Variants in SOS2 observed in about 807,000 individuals in gnomAD.
SOS2 encodes the protein son of sevenless homolog 2.
In SOS2, 65 loss-of-function variants were observed where a neutral mutation model predicts 148.2. The observed-to-expected ratio is 0.44, with a 90% CI of 0.36 to 0.54. The LOEUF (loss-of-function observed/expected upper bound fraction) is 0.54, where lower values mean the gene tolerates loss of function less well. SOS2 is among the 20% of genes least tolerant of loss of function. SOS2 has a pLI of 0.00. For synonymous variants in SOS2, 539 were observed against 537.1 expected, an observed-to-expected ratio of 1.00 and a Z score of -0.05; for missense variants, 1,341 against 1,590.2, an observed-to-expected ratio of 0.84 and a Z score of 2.67.
At chr14:50,142,543 G>A (rs1174524047) in intron 16 of SOS2, among the ~76,000 whole-genome samples, 1 of 152,082 alleles carries the variant, frequency 6.6e-6, no homozygotes, top group African/African-American at 2.4e-5. Flanking sequence ...GGTTTGCTCT[G>A]CTTTGTGATA....
chr14:50,118,760 C>T lies in SOS2; in HGVS notation c.3583G>A (p.Ala1195Thr). Residue 1195 changes from alanine to threonine, a missense_variant, in exon 23 of 23, where the codon GCA becomes ACA. Ala to Thr is a moderately conservative substitution (Grantham distance 58). Coordinates refer to ENST00000216373, the MANE Select transcript of SOS2 (RefSeq NM_006939.4). ...VKPRVPVPTGAFDGPLHSPPP... is the reference protein window; with the variant it reads ...VKPRVPVPTGTFDGPLHSPPP... Reference sequence around the variant, plus strand: ...GGACTATGCAGAGGCCCATCAAATGCACCAGTAGGAACAGGAACTCTGGGT... The same window carrying T: ...GGACTATGCAGAGGCCCATCAAATGTACCAGTAGGAACAGGAACTCTGGGT... 1 of 1,607,218 alleles carries T rather than the reference C, an allele frequency of 6.2e-7. No homozygotes were observed. The highest frequency in any genetic ancestry group is 1.4e-5 in the African/African-American group (1 of 73,740).
In SOS2 at chr14:50,185,848, G is replaced by A. The variant is rs1043299583; in HGVS notation, c.714+2649C>T. Among the ~76,000 whole-genome samples, 2 of 152,264 alleles carry A rather than the reference G, an allele frequency of 1.3e-5. 1 individual carries two copies. The highest frequency in any genetic ancestry group is 4.1e-4 in the South Asian group (2 of 4,824). The stretch of plus-strand genomic sequence containing the variant: ...AGGCACTCTTCTAAGCACTTGAAAT[G>A]TAATAACCTAATATCCTTATTAGAT... On this transcript the variant is annotated intron_variant, in intron 5 of 22. Coordinates refer to ENST00000216373, the MANE Select transcript of SOS2 (RefSeq NM_006939.4).
intron 4 of SOS2, among the ~76,000 whole-genome samples, chr14:50,196,607 CTAAGAG>C (rs1249349021): frequency 2.0e-5 from 3 of 151,954 alleles, no homozygotes; most frequent in Non-Finnish European, 2.9e-5. Flanking sequence ...ATTCTACTAG[CTAAGAG>C]TAAATTTCAA....
At chr14:50,211,332 T>C (rs1300302257) in intron 1 of SOS2, among the ~76,000 whole-genome samples, 1 of 152,170 alleles carries the variant, frequency 6.6e-6, no homozygotes, top group Non-Finnish European at 1.5e-5. Context: ...TAATTTTCGT[T>C]TTTAACTTTT....
At chr14:50,131,476 T>C (rs191635040) in intron 19 of SOS2, among the ~76,000 whole-genome samples, 38 of 152,226 alleles carry the variant, frequency 2.5e-4, no homozygotes, top group African/African-American at 8.9e-4. Flanking sequence ...TAACTATGCA[T>C]GACTTTCATT....
Position 50,118,696 on chromosome 14 carries a change from G to A in SOS2, c.3647C>T (p.Pro1216Leu), listed in dbSNP as rs770375789. 2 of 1,613,824 alleles carry A rather than the reference G, an allele frequency of 1.2e-6. No homozygotes were observed. ...PPPRDPLPDT[P>L]PPVPLRPPEH... is the part of the protein sequence containing the mutation. ...TGGAGGCCGAAGGGGAACTGGTGGA[G>A]GGGTATCAGGAAGAGGATCTCTTGG... Residue 1216 changes from proline to leucine, a missense_variant, in exon 23 of 23, where the codon CCT (proline) becomes CTT (leucine). Transcript: ENST00000216373.
intron 1 of SOS2, among the ~76,000 whole-genome samples, chr14:50,224,286 G>A (rs2139865970): frequency 1.4e-5 from 1 of 71,618 alleles, no homozygotes; most frequent in Non-Finnish European, 2.7e-5. Flanking sequence ...GCAAGACTCC[G>A]TCTCAGGAAA....
At chr14:50,191,007 T>C (rs1246968217) in intron 4 of SOS2, among the ~76,000 whole-genome samples, 3 of 152,224 alleles carry the variant, frequency 2.0e-5, no homozygotes. Flanking sequence ...AGGTCATACT[T>C]GCTAGCTGTA....
chr14:50,213,420 G>A (rs895585398), intron 1 of SOS2, among the ~76,000 whole-genome samples: 2 of 152,178 alleles, frequency 1.3e-5, no homozygotes, highest in Non-Finnish European at 2.9e-5. Context: ...TTTATAGGCC[G>A]GGTGTGGTGG....
intron 1 of SOS2, among the ~76,000 whole-genome samples, chr14:50,219,849 T>G (rs1887147374): frequency 6.6e-6 from 1 of 151,992 alleles, no homozygotes; most frequent in Non-Finnish European, 1.5e-5. Flanking sequence ...GTTTGTTTTT[T>G]GGGGGGCAGG....
At chr14:50,125,003 A>C (rs552795106) in intron 21 of SOS2, among the ~76,000 whole-genome samples, 5 of 152,314 alleles carry the variant, frequency 3.3e-5, no homozygotes, top group African/African-American at 1.2e-4. Flanking sequence ...ACGATGGCAC[A>C]GTGTTATGGG....
At chr14:50,224,338 C>T (rs1273374906) in intron 1 of SOS2, among the ~76,000 whole-genome samples, 4 of 145,446 alleles carry the variant, frequency 2.8e-5, no homozygotes, top group African/African-American at 1.0e-4. Flanking sequence ...CACACACACA[C>T]ACACACACAC....
chr14:50,190,842 C>A (rs968217678), intron 4 of SOS2, among the ~76,000 whole-genome samples: 1 of 152,160 alleles, frequency 6.6e-6, no homozygotes, highest in Admixed American at 6.5e-5. Context: ...TTCCCAGCCA[C>A]TTTAAATTTA....
chr14:50,230,843 GA>G, intron 1 of SOS2: 1 of 991,294 alleles, frequency 1.0e-6, no homozygotes, highest in Non-Finnish European at 1.2e-6. Context: ...TACCCGGCCT[GA>G]AAATGTGCTT....
At chr14:50,140,950 A>AT (rs1158141281) in intron 16 of SOS2, among the ~76,000 whole-genome samples, 3 of 152,136 alleles carry the variant, frequency 2.0e-5, no homozygotes. Context: ...CACGCCTGTA[A>AT]TCCCAGCACT....
chr14:50,146,357 A>T (rs1014808760), intron 14 of SOS2, among the ~76,000 whole-genome samples: 1 of 151,856 alleles, frequency 6.6e-6, no homozygotes, highest in Non-Finnish European at 1.5e-5. Context: ...ACACAAATTT[A>T]TAAGAGCCAG....
intron 1 of SOS2, among the ~76,000 whole-genome samples, chr14:50,207,900 C>CA (rs1400848534): frequency 0.018 from 1,487 of 81,104 alleles, 26 homozygotes; most frequent in South Asian, 0.055. Flanking sequence ...GACTCCATCT[C>CA]AAAAAAAAAA....
chr14:50,132,686 G>C (rs541793532), intron 19 of SOS2, among the ~76,000 whole-genome samples: 2 of 152,090 alleles, frequency 1.3e-5, no homozygotes, highest in South Asian at 4.2e-4. Context: ...AAAACAAAAA[G>C]AAAGGTCATG....
At position 50,139,942 on chromosome 14, in the gene SOS2, C is replaced by CA. The variant is rs1347298671; in HGVS notation, c.2784dup (p.Gly929TrpfsTer15). 7.4e-6 allele frequency: 11 copies of CA among 1,481,224 alleles called. No individual in the cohort carries two copies. The highest frequency in any genetic ancestry group is 1.1e-5 in the South Asian group (1 of 87,356). The allele number at this position is 1,481,224 out of a possible 1,614,324, so 91.8% of individuals were successfully genotyped here. On this transcript the variant is annotated frameshift_variant and splice_region_variant, in exon 17 of 23. Transcript: ENST00000216373. LOFTEE classifies it high-confidence loss of function. ...AATATATCCATATTTAGTAACTTAC[C>CA]AAAAAAAGGCACACAAGGTGGATTG...
Sources: allele counts gnomAD v4.1 joint callset (sites outside exome capture counted in the v4.1 genomes callset), GRCh38; gene constraint gnomAD v4.1.1; transcripts MANE v1.5; gene names NCBI Gene and HGNC (gene_info 2026-07-23, HGNC 2026-07-21).